CENATAC: variants seen among roughly 807,000 people sequenced by gnomAD.
CENATAC encodes centrosomal AT-AC splicing factor.
In CENATAC, 53 loss-of-function variants were observed where a neutral mutation model predicts 53.7. That is an observed-to-expected ratio of 0.99 (90% CI 0.79 to 1.24). The LOEUF (loss-of-function observed/expected upper bound fraction) is 1.24, where lower values mean the gene tolerates loss of function less well. Among genes scored for constraint, CENATAC ranks in the 50% most tolerant of loss-of-function variants. CENATAC has a pLI of 0.00. For missense variants in CENATAC, 474 were observed against 417.8 expected (o/e 1.13, Z -1.17); for synonymous variants, 156 against 144.6 (o/e 1.08, Z -0.57).
In CENATAC at chr11:119,015,704, C is replaced by T. The variant is rs1170110739; in HGVS notation, c.*106C>T. ...TTGTCTTTCTTAGGAAACAGACATA[C>T]TCATTCATTTGATTTAATAAAGTTT... On this transcript the variant is annotated 3_prime_UTR_variant, in exon 11 of 11. Coordinates refer to ENST00000334418, the MANE Select transcript of CENATAC (RefSeq NM_198489.3). 24 of 1,313,536 alleles carry T rather than the reference C, an allele frequency of 1.8e-5. No homozygotes were observed. Among genetic ancestry groups the T allele is most frequent in the African/African-American group, 4.4e-5 (3 of 67,834 alleles). The allele number at this position is 1,313,536 out of a possible 1,614,324, so 81.4% of individuals were successfully genotyped here. A position where few individuals can be genotyped will look rare whatever the true frequency, so the allele number is the denominator to read the frequency against.
In CENATAC at chr11:119,013,212, T is replaced by C. The variant is rs541145232; in HGVS notation, c.685-20T>C. The C allele has an allele frequency of 8.5e-5, 136 of 1,599,486 alleles. No homozygotes were observed. The highest frequency in any genetic ancestry group is 5.0e-4 in the Middle Eastern group (3 of 6,034). On this transcript the variant is annotated intron_variant, in intron 7 of 10. Coordinates refer to ENST00000334418, the MANE Select transcript of CENATAC (RefSeq NM_198489.3). ...TGCCTAGACTTTAACTAGCACTTTT[T>C]TTCCCATTTCCAACTACAGGATATA...
At chr11:119,004,219 A>G (rs1394761014) in intron 3 of CENATAC, among the ~76,000 whole-genome samples, 2 of 152,170 alleles carry the variant, frequency 1.3e-5, no homozygotes, top group African/African-American at 2.4e-5. Flanking sequence ...TAGCATTATA[A>G]TAAGGGTAGA....
Position 119,015,001 on chromosome 11 carries a change from A to G in CENATAC, c.723A>G (p.Thr241=). Residue 241 remains threonine (T), a synonymous_variant, in exon 9 of 11, where the codon ACA becomes ACG. Transcript: ENST00000334418. ...CCTTAATTTTTTTTTCAGGTGCCAC[A>G]CCTCCCTGGATGATCCAAGATGAAG... The part of the protein sequence containing the change: ...PGVGNIHSGA[T]PPWMIQDEEY... 6.4e-7 allele frequency: 1 copy of G among 1,574,344 alleles called. No individual in the cohort carries two copies. Among genetic ancestry groups the G allele is most frequent in the Admixed American group, 1.9e-5 (1 of 51,600 alleles).
intron 3 of CENATAC, among the ~76,000 whole-genome samples, chr11:119,000,070 C>G (rs1471519767): frequency 6.6e-6 from 1 of 152,212 alleles, no homozygotes; most frequent in Non-Finnish European, 1.5e-5. Context: ...AGCCACCATG[C>G]CTGGTCTCAA....
At chr11:119,004,988 A>G (rs1243371522) in intron 3 of CENATAC, 1 of 151,998 alleles carries the variant, frequency 6.6e-6, no homozygotes, top group Non-Finnish European at 1.5e-5. Flanking sequence ...TAAGCTCACA[A>G]GGTTGAGGCA....
At chr11:119,014,368 G>A (rs979547912) in intron 8 of CENATAC, 1 of 152,302 alleles carries the variant, frequency 6.6e-6, no homozygotes, top group Non-Finnish European at 1.5e-5. Context: ...CGGATCACGA[G>A]GTCAGGAGTT....
At chr11:119,006,166 A>C (rs1336379644) in intron 3 of CENATAC, among the ~76,000 whole-genome samples, 2 of 136,274 alleles carry the variant, frequency 1.5e-5, no homozygotes, top group African/African-American at 5.7e-5. Flanking sequence ...AGTTGACTGC[A>C]ACCTCTGCCT....
chr11:119,013,299 ATTTT>A lies in CENATAC; in HGVS notation c.715+49_715+52del, dbSNP rs371143734. 72 of 1,336,322 alleles carry A rather than the reference ATTTT, an allele frequency of 5.4e-5. 1 individual carries two copies. In the Middle Eastern group the frequency reaches 7.3e-4, roughly 14 times the overall value. The allele number at this position is 1,336,322 out of a possible 1,614,324, so 82.8% of individuals were successfully genotyped here. ...GGCAGTGTTTTTAAAACCCTGGGAG[ATTTT>A]TTTTTTTTTTTGAGATGGAGTCTTG... is the stretch of plus-strand genomic sequence containing the variant. On this transcript the variant is annotated intron_variant, in intron 8 of 10. Transcript: ENST00000334418.
chr11:119,012,433 C>T (rs782471398), intron 7 of CENATAC, 179 bp downstream of exon 7: 10 of 632,378 alleles, frequency 1.6e-5, no homozygotes, highest in Non-Finnish European at 2.6e-5. Context: ...CGATCCTATT[C>T]ACATGTATTG....
At chr11:119,013,422 A>G (rs1217999044) in intron 8 of CENATAC, among the ~76,000 whole-genome samples, 160 bp downstream of exon 8, 1 of 150,572 alleles carries the variant, frequency 6.6e-6, no homozygotes, top group Non-Finnish European at 1.5e-5. Context: ...CAGCCTCCCA[A>G]GTAGCTGGGG....
At chr11:119,005,801 C>T (rs190604551) in intron 3 of CENATAC, 2 of 152,270 alleles carry the variant, frequency 1.3e-5, no homozygotes, top group East Asian at 3.9e-4. Context: ...GTGATACACT[C>T]AGGTGTTGTG....
intron 3 of CENATAC, among the ~76,000 whole-genome samples, chr11:119,007,629 A>G (rs1049609819): frequency 3.3e-5 from 5 of 152,092 alleles, no homozygotes; most frequent in African/African-American, 7.2e-5. Flanking sequence ...ATCTAGGGCT[A>G]TAAGTGTGCA....
chr11:119,015,691 G>GGAAACAGACATACTCATTCATTTGATTT lies in CENATAC; in HGVS notation c.*94_*121dup. On this transcript the variant is annotated 3_prime_UTR_variant, in exon 11 of 11. Coordinates refer to ENST00000334418, the MANE Select transcript of CENATAC (RefSeq NM_198489.3). ...AAATTCTTTATCATTGTCTTTCTTA[G>GGAAACAGACATACTCATTCATTTGATTT]GAAACAGACATACTCATTCATTTGA... is the stretch of plus-strand genomic sequence containing the variant. 1 of 1,392,802 alleles carries GGAAACAGACATACTCATTCATTTGATTT rather than the reference G, an allele frequency of 7.2e-7. No individual in the cohort carries two copies. The highest frequency in any genetic ancestry group is 1.0e-6 in the Non-Finnish European group (1 of 988,112). The allele number at this position is 1,392,802 out of a possible 1,614,324, so 86.3% of individuals were successfully genotyped here.
At chr11:119,005,657 T>A (rs1188806347) in intron 3 of CENATAC, 2 of 151,702 alleles carry the variant, frequency 1.3e-5, no homozygotes, top group Non-Finnish European at 2.9e-5. Context: ...TTTTTTTTTT[T>A]AATCAGTTTC....
chr11:118,998,577 C>G lies in CENATAC; in HGVS notation c.268C>G (p.Leu90Val). The G allele has an allele frequency of 1.9e-6, 3 of 1,565,408 alleles. No homozygotes were observed. The highest frequency in any genetic ancestry group is 1.7e-6 in the Non-Finnish European group (2 of 1,154,312). The change falls in exon 2 of 11, where the codon CTG (leucine) becomes GTG (valine). Residue 90 changes from leucine to valine, a missense_variant. Physicochemically the swap from Leu to Val is conservative, Grantham distance 32. Transcript: ENST00000334418. Reference sequence around the variant, plus strand: ...CCTGACGGTGCTGTACGGGGGGCTGCTGGAGCATCTGGCCAGGTGAGAGCC... The same window carrying G: ...CCTGACGGTGCTGTACGGGGGGCTGGTGGAGCATCTGGCCAGGTGAGAGCC... The part of the protein sequence containing the change: ...GNLTVLYGGL[L>V]EHLASPEHKK...
At chr11:119,015,238 C>A in intron 9 of CENATAC, 69 bp from the exon 10 acceptor site, 1 of 1,512,286 alleles carries the variant, frequency 6.6e-7, no homozygotes, top group Non-Finnish European at 9.0e-7. Flanking sequence ...ACAGCCTGGA[C>A]AACATAGTGA....
At chr11:119,012,027 G>T in intron 6 of CENATAC, 24 bp downstream of exon 6, 1 of 1,613,836 alleles carries the variant, frequency 6.2e-7, no homozygotes, top group Non-Finnish European at 8.5e-7. Context: ...GGAATCTCTT[G>T]TTGGGAATTT....
chr11:119,011,781 T>TGGGA (rs1565668535), intron 5 of CENATAC, among the ~76,000 whole-genome samples, 158 bp from the exon 6 acceptor site: 7 of 139,754 alleles, frequency 5.0e-5, no homozygotes, highest in South Asian at 2.7e-4. Context: ...TGGACAGGAC[T>TGGGA]GGGAGGGAGG....
chr11:119,014,951 G>C lies in CENATAC; in HGVS notation c.716-43G>C. On this transcript the variant is annotated intron_variant, in intron 8 of 10. Coordinates refer to ENST00000334418, the MANE Select transcript of CENATAC (RefSeq NM_198489.3). ...GCTAGGACATGTTTCACAATAGCCT[G>C]AAGACTTAAAAAAAAAAAAAAAAGC... is the stretch of plus-strand genomic sequence containing the variant. 2.5e-6 allele frequency: 3 copies of C among 1,198,066 alleles called. No individual in the cohort carries two copies. In the South Asian group the frequency reaches 4.1e-5, roughly 16 times the overall value. 74.2% of individuals were successfully genotyped at this position (1,198,066 alleles called of 1,614,324 possible).
Sources: gnomAD v4.1 joint callset for allele counts (sites outside exome capture counted in the v4.1 genomes callset) on GRCh38, gnomAD v4.1.1 for gene constraint, MANE v1.5 for transcripts, NCBI Gene and HGNC (gene_info 2026-07-23, HGNC 2026-07-21) for gene names.